The following TMEM132D variants were observed in gnomAD, a reference collection of about 807,000 sequenced individuals.
The protein encoded by TMEM132D is mature OL transmembrane protein.
In TMEM132D, 21 loss-of-function variants were observed where a neutral mutation model predicts 62.3. That is an observed-to-expected ratio of 0.34 (90% CI 0.24 to 0.49). The LOEUF is 0.49. Ranked by LOEUF, TMEM132D falls within the 20% of genes least tolerant of loss-of-function variation. The pLI is 0.99. For missense variants in TMEM132D, 1,346 were observed against 1,402.8 expected, an observed-to-expected ratio of 0.96 and a Z score of 0.65; for synonymous variants, 621 against 575.6, an observed-to-expected ratio of 1.08 and a Z score of -1.13.
At chr12:129,134,504 G>C (rs1408008516) in intron 5 of TMEM132D, among the ~76,000 whole-genome samples, 1 of 152,114 alleles carries the variant, frequency 6.6e-6, no homozygotes, top group South Asian at 2.1e-4. Context: ...CTCGATGGGG[G>C]TGGAAATGAT....
chr12:129,381,652 C>T (rs1870955738), intron 3 of TMEM132D, among the ~76,000 whole-genome samples: 1 of 152,134 alleles, frequency 6.6e-6, no homozygotes, highest in South Asian at 2.1e-4. Flanking sequence ...TCAGAGTTCT[C>T]TGCACACTCC....
At chr12:129,176,604 A>T (rs558507159) in intron 5 of TMEM132D, among the ~76,000 whole-genome samples, 98 of 152,364 alleles carry the variant, frequency 6.4e-4, no homozygotes, top group African/African-American at 2.2e-3. Context: ...AATTGCTTTG[A>T]TGGCTCTCGC....
chr12:129,139,716 G>A (rs984372906), intron 5 of TMEM132D, among the ~76,000 whole-genome samples: 1 of 152,226 alleles, frequency 6.6e-6, no homozygotes, highest in South Asian at 2.1e-4. Context: ...TATTGAGACA[G>A]GACGTTGCTC....
chr12:129,171,759 C>T (rs4315218), intron 5 of TMEM132D, among the ~76,000 whole-genome samples: 2 of 152,168 alleles, frequency 1.3e-5, no homozygotes, highest in Non-Finnish European at 2.9e-5. Flanking sequence ...AGAAGTAGAT[C>T]TCAACAGGTA....
intron 2 of TMEM132D, among the ~76,000 whole-genome samples, chr12:129,547,499 A>T (rs917021874): frequency 6.6e-6 from 1 of 152,206 alleles, no homozygotes; most frequent in African/African-American, 2.4e-5. Context: ...AGAAGGTCAC[A>T]TTCACAGGTA....
chr12:129,405,020 A>T (rs1279498477), intron 3 of TMEM132D, among the ~76,000 whole-genome samples: 5 of 152,232 alleles, frequency 3.3e-5, no homozygotes, highest in Non-Finnish European at 7.3e-5. Flanking sequence ...TGAAATGAGG[A>T]TAGGACTCCT....
intron 3 of TMEM132D, among the ~76,000 whole-genome samples, chr12:129,340,483 G>A (rs978249374): frequency 4.0e-5 from 6 of 151,390 alleles, no homozygotes; most frequent in African/African-American, 1.5e-4. Context: ...ATAGGCCCCG[G>A]TGTGTGATGT....
chr12:129,497,729 AG>A (rs1467504131), intron 3 of TMEM132D, among the ~76,000 whole-genome samples: 1 of 151,948 alleles, frequency 6.6e-6, no homozygotes, highest in African/African-American at 2.4e-5. Context: ...GTGTGATCAC[AG>A]CTCGCTACAG....
chr12:129,853,704 T>C (rs1169320845), intron 1 of TMEM132D: 1 of 152,166 alleles, frequency 6.6e-6, no homozygotes, highest in Non-Finnish European at 1.5e-5. Context: ...AGACAGCTCC[T>C]GTGTAGTCGG....
At chr12:129,186,890 C>T (rs755927890) in intron 5 of TMEM132D, among the ~76,000 whole-genome samples, 14 of 152,148 alleles carry the variant, frequency 9.2e-5, no homozygotes, top group Admixed American at 2.0e-4. Context: ...ATTTAAAAAA[C>T]CTAAGTAATA....
intron 1 of TMEM132D, among the ~76,000 whole-genome samples, chr12:129,718,985 C>T (rs913229312): frequency 1.3e-4 from 20 of 151,572 alleles, no homozygotes; most frequent in African/African-American, 4.4e-4. Flanking sequence ...GCCTGTAATC[C>T]CAGCACATTG....
At chr12:129,294,600 A>T (rs911707435) in intron 4 of TMEM132D, among the ~76,000 whole-genome samples, 1 of 152,130 alleles carries the variant, frequency 6.6e-6, no homozygotes, top group African/African-American at 2.4e-5. Flanking sequence ...GGGCTAAGAG[A>T]GGGGATCCGT....
intron 2 of TMEM132D, among the ~76,000 whole-genome samples, chr12:129,588,814 T>G (rs1049788835): frequency 1.4e-5 from 2 of 146,310 alleles, no homozygotes; most frequent in Non-Finnish European, 3.0e-5. Flanking sequence ...CATTTATAAA[T>G]CCAAATAATG....
At chr12:129,209,414 G>T in intron 5 of TMEM132D, 106 bp downstream of exon 5, 1 of 1,355,440 alleles carries the variant, frequency 7.4e-7, no homozygotes, top group Non-Finnish European at 1.0e-6. Context: ...GAGGGATCCT[G>T]TGGGACCCAG....
intron 2 of TMEM132D, among the ~76,000 whole-genome samples, chr12:129,615,050 A>T (rs946470094): frequency 1.3e-5 from 2 of 152,182 alleles, no homozygotes; most frequent in African/African-American, 4.8e-5. Flanking sequence ...CCCCTGACAT[A>T]CAATGTTACC....
intron 2 of TMEM132D, among the ~76,000 whole-genome samples, chr12:129,534,943 C>A (rs1017713805): frequency 6.6e-6 from 1 of 151,578 alleles, no homozygotes; most frequent in African/African-American, 2.4e-5. Context: ...CCAGTCCCTT[C>A]TTGTTTAACG....
intron 2 of TMEM132D, among the ~76,000 whole-genome samples, chr12:129,612,039 C>A (rs1878789759): frequency 6.6e-6 from 1 of 152,166 alleles, no homozygotes; most frequent in African/African-American, 2.4e-5. Context: ...AAGGAGACAA[C>A]TGATCTCCAC....
intron 3 of TMEM132D, among the ~76,000 whole-genome samples, chr12:129,384,291 T>C (rs1445498072): frequency 1.3e-5 from 2 of 152,132 alleles, no homozygotes; most frequent in Non-Finnish European, 2.9e-5. Flanking sequence ...AATAAACAAA[T>C]GGCGGCTGGC....
chr12:129,614,675 A>C (rs1335108919), intron 2 of TMEM132D, among the ~76,000 whole-genome samples: 2 of 152,208 alleles, frequency 1.3e-5, no homozygotes, highest in African/African-American at 4.8e-5. Context: ...AGAAGAAATG[A>C]GTGAAACCAG....
Sources: gnomAD v4.1 joint callset for allele counts (sites outside exome capture counted in the v4.1 genomes callset) on GRCh38, gnomAD v4.1.1 for gene constraint, MANE v1.5 for transcripts, NCBI Gene and HGNC (gene_info 2026-07-23, HGNC 2026-07-21) for gene names.